Variants in CDK14 observed in about 807,000 individuals in gnomAD.
The protein encoded by CDK14 is cyclin-dependent kinase 14.
In CDK14, 34 loss-of-function variants were observed where a neutral mutation model predicts 60.7. The ratio of observed to expected loss-of-function variants is 0.56; its 90% CI spans 0.43 to 0.75. The LOEUF (loss-of-function observed/expected upper bound fraction) is 0.75. Among genes scored for constraint, CDK14 ranks in the 30% least tolerant of loss-of-function variants. The pLI, the probability that CDK14 is intolerant of heterozygous loss-of-function variation, is 0.00. For missense variants in CDK14, 482 were observed against 564.1 expected (o/e 0.85, Z 1.47); for synonymous variants, 197 against 203.7 (o/e 0.97, Z 0.28).
chr7:91,029,715 G>C (rs1002317241), intron 10 of CDK14, among the ~76,000 whole-genome samples: 1 of 150,720 alleles, frequency 6.6e-6, no homozygotes, highest in Non-Finnish European at 1.5e-5. Context: ...GTCATTATTG[G>C]TGTGTAGCAG....
chr7:91,088,156 T>C (rs1798692663), intron 12 of CDK14, among the ~76,000 whole-genome samples: 1 of 152,242 alleles, frequency 6.6e-6, no homozygotes, highest in African/African-American at 2.4e-5. Flanking sequence ...CCTTGCTGTT[T>C]ACAGCATTTA....
chr7:91,009,011 C>G (rs1796076034), intron 10 of CDK14, among the ~76,000 whole-genome samples: 2 of 152,054 alleles, frequency 1.3e-5, no homozygotes, highest in Non-Finnish European at 2.9e-5. Flanking sequence ...TCCCCCCTTT[C>G]CTTCCCTCTT....
intron 10 of CDK14, among the ~76,000 whole-genome samples, chr7:91,011,902 A>C (rs1796170239): frequency 6.6e-6 from 1 of 151,984 alleles, no homozygotes; most frequent in African/African-American, 2.4e-5. Flanking sequence ...CATCTTTGTC[A>C]TTTCTGGGTC....
intron 10 of CDK14, among the ~76,000 whole-genome samples, chr7:91,028,200 T>TCCAAGTTGCTGCACTGCAA (rs1796655621): frequency 6.6e-6 from 1 of 151,472 alleles, no homozygotes; most frequent in South Asian, 2.1e-4. Context: ...TCCAGTTCCA[T>TCCAAGTTGCTGCACTGCAA]CCAAGTTGCT....
At chr7:90,818,638 AT>A (rs547218245) in intron 5 of CDK14, among the ~76,000 whole-genome samples, 180 of 152,340 alleles carry the variant, frequency 1.2e-3, no homozygotes, top group Non-Finnish European at 2.0e-3. Context: ...GAAGTAAAAA[AT>A]ATTCTGAATA....
chr7:91,136,109 G>A (rs1800272023), intron 14 of CDK14, among the ~76,000 whole-genome samples: 1 of 152,126 alleles, frequency 6.6e-6, no homozygotes, highest in Non-Finnish European at 1.5e-5. Flanking sequence ...AAGTGTTTAT[G>A]TCTAAAATGG....
intron 14 of CDK14, among the ~76,000 whole-genome samples, chr7:91,179,618 C>T (rs1281433490): frequency 2.0e-5 from 3 of 151,740 alleles, no homozygotes; most frequent in South Asian, 2.1e-4. Context: ...CTGGCTAACA[C>T]GGTGAAACCC....
At chr7:91,156,513 C>T (rs772592652) in intron 14 of CDK14, among the ~76,000 whole-genome samples, 4 of 151,872 alleles carry the variant, frequency 2.6e-5, no homozygotes, top group East Asian at 1.9e-4. Flanking sequence ...CAATATGGCT[C>T]ACCATGACTG....
At chr7:90,686,990 A>C (rs769071143) in intron 2 of CDK14, among the ~76,000 whole-genome samples, 6 of 152,178 alleles carry the variant, frequency 3.9e-5, no homozygotes, top group Non-Finnish European at 8.8e-5. Context: ...AAAAGACTTA[A>C]AAACTCATTC....
intron 2 of CDK14, among the ~76,000 whole-genome samples, chr7:90,660,104 A>G (rs1302810403): frequency 6.6e-6 from 1 of 152,194 alleles, no homozygotes; most frequent in African/African-American, 2.4e-5. Context: ...AATGGTTTAC[A>G]GTGCTTCTGT....
At chr7:90,829,624 C>G (rs1210903726) in intron 5 of CDK14, among the ~76,000 whole-genome samples, 3 of 152,080 alleles carry the variant, frequency 2.0e-5, no homozygotes, top group Admixed American at 6.5e-5. Context: ...CTCCGCCCCC[C>G]CAGGTTCAAG....
At chr7:91,168,754 A>T (rs1221465057) in intron 14 of CDK14, among the ~76,000 whole-genome samples, 1 of 152,184 alleles carries the variant, frequency 6.6e-6, no homozygotes, top group East Asian at 1.9e-4. Flanking sequence ...TCATTTAGGA[A>T]TTCATTTTTT....
At chr7:90,819,957 T>C (rs1471065448) in intron 5 of CDK14, among the ~76,000 whole-genome samples, 1 of 152,198 alleles carries the variant, frequency 6.6e-6, no homozygotes, top group Non-Finnish European at 1.5e-5. Flanking sequence ...CATCATTTTG[T>C]CATTTGACAC....
chr7:90,894,118 A>G (rs1350819768), intron 6 of CDK14, among the ~76,000 whole-genome samples: 2 of 152,188 alleles, frequency 1.3e-5, no homozygotes, highest in Admixed American at 6.5e-5. Context: ...CATCATCATC[A>G]TCATGAATCA....
intron 6 of CDK14, among the ~76,000 whole-genome samples, chr7:90,876,560 T>G (rs1169222029): frequency 2.0e-5 from 3 of 152,334 alleles, no homozygotes; most frequent in Middle Eastern, 3.4e-3. Context: ...GTTCTCCGCA[T>G]AAGCAGTGCT....
chr7:90,667,107 C>A (rs1584780575), intron 2 of CDK14, among the ~76,000 whole-genome samples: 2 of 152,030 alleles, frequency 1.3e-5, no homozygotes, highest in African/African-American at 4.8e-5. Flanking sequence ...TTTTGGGGTA[C>A]ATGTGATGCT....
At chr7:90,648,035 T>C (rs1370343563) in intron 2 of CDK14, among the ~76,000 whole-genome samples, 1 of 152,160 alleles carries the variant, frequency 6.6e-6, no homozygotes, top group Non-Finnish European at 1.5e-5. Flanking sequence ...TGCTGCATAA[T>C]AAATTACTCC....
intron 14 of CDK14, among the ~76,000 whole-genome samples, chr7:91,166,678 C>G (rs898679041): frequency 1.2e-4 from 18 of 152,096 alleles, no homozygotes; most frequent in Non-Finnish European, 2.4e-4. Flanking sequence ...TCATAAGGCC[C>G]CTGAGTATGT....
intron 11 of CDK14, among the ~76,000 whole-genome samples, chr7:91,061,714 G>T (rs1036241953): frequency 6.6e-6 from 1 of 152,140 alleles, no homozygotes; most frequent in Non-Finnish European, 1.5e-5. Flanking sequence ...GCAGAACAGC[G>T]GATATTGGTG....
Sources: allele counts gnomAD v4.1 joint callset (sites outside exome capture counted in the v4.1 genomes callset), GRCh38; gene constraint gnomAD v4.1.1; transcripts MANE v1.5; gene names NCBI Gene and HGNC (gene_info 2026-07-23, HGNC 2026-07-21).